Variants in NUDT4 observed in about 807,000 individuals in gnomAD.
The protein encoded by NUDT4 is nudix hydrolase 4, also known as diphosphoinositol polyphosphate phosphohydrolase 2.
Under a neutral mutation model 23.1 loss-of-function variants are expected in NUDT4, and 5 were observed. The observed-to-expected ratio is 0.22, with a 90% confidence interval of 0.11 to 0.46. NUDT4 has a LOEUF of 0.46. Among genes scored for constraint, NUDT4 ranks in the 20% least tolerant of loss-of-function variants. The pLI is 0.99. For missense variants in NUDT4, 96 were observed against 211.6 expected, an observed-to-expected ratio of 0.45 and a Z score of 3.39; for synonymous variants, 50 against 79.0, an observed-to-expected ratio of 0.63 and a Z score of 1.95.
At chr12:93,386,516 G>A (rs994859151) in intron 1 of NUDT4, among the ~76,000 whole-genome samples, 5 of 151,856 alleles carry the variant, frequency 3.3e-5, no homozygotes, top group African/African-American at 1.2e-4. Flanking sequence ...GGAGGCAAAG[G>A]TTGCAGTGAG....
At chr12:93,390,365 TAACTTAAA>T (rs1454310961) in intron 1 of NUDT4, among the ~76,000 whole-genome samples, 2 of 152,230 alleles carry the variant, frequency 1.3e-5, no homozygotes, top group African/African-American at 4.8e-5. Flanking sequence ...CATTTTTATT[TAACTTAAA>T]AACTAACATT....
Position 93,406,768 on chromosome 12 carries a change from C to T in NUDT4, c.*7389C>T, listed in dbSNP as rs1877843370. On this transcript the variant is annotated 3_prime_UTR_variant, in exon 5 of 5. Coordinates refer to ENST00000415493, the MANE Select transcript of NUDT4 (RefSeq NM_019094.6). ...TTGTGTAGATTGTATGCATATACAA[C>T]ATCATTTTATTCCAGAGACTTGAGC... 6.6e-6 allele frequency: 1 copy of T among 151,612 alleles called. No individual in the cohort carries two copies. Among genetic ancestry groups the T allele is most frequent in the Non-Finnish European group, 1.5e-5 (1 of 67,904 alleles). 9.4% of individuals were successfully genotyped at this position (151,612 alleles called of 1,614,324 possible).
At chr12:93,388,308 G>A (rs1876245573) in intron 1 of NUDT4, among the ~76,000 whole-genome samples, 1 of 152,212 alleles carries the variant, frequency 6.6e-6, no homozygotes, top group African/African-American at 2.4e-5. Context: ...ATAGATGTAT[G>A]TGTTCTTGCA....
At chr12:93,393,090 CTTTT>C (rs143810374) in intron 1 of NUDT4, among the ~76,000 whole-genome samples, 3 of 114,876 alleles carry the variant, frequency 2.6e-5, no homozygotes, top group African/African-American at 1.0e-4. Context: ...AGATTTCAGT[CTTTT>C]TTTTTTTTTT....
chr12:93,382,507 T>C (rs1875741334), intron 1 of NUDT4, among the ~76,000 whole-genome samples: 1 of 152,114 alleles, frequency 6.6e-6, no homozygotes. Flanking sequence ...ATTCAAAATA[T>C]TACTAGAGTT....
rs375056789 is a variant in NUDT4, at chr12:93,399,387, T to C, written c.*8T>C. On this transcript the variant is annotated 3_prime_UTR_variant, in exon 5 of 5. Transcript: ENST00000415493. The stretch of plus-strand genomic sequence containing the variant: ...CCATCTAGTGTAAGATAGAGAGAAC[T>C]GGGTAGGCCTCTCCCACCATGTGCA... 12 of 649,422 alleles carry C rather than the reference T, an allele frequency of 1.8e-5. No homozygotes were observed. The African/African-American group carries it at 2.2e-4, about 12-fold the overall frequency. 40.2% of individuals were successfully genotyped at this position (649,422 alleles called of 1,614,324 possible). A position where few individuals can be genotyped will look rare whatever the true frequency, so the allele number is the denominator to read the frequency against.
intron 1 of NUDT4, among the ~76,000 whole-genome samples, chr12:93,385,626 A>T (rs1003757405): frequency 6.6e-6 from 1 of 152,102 alleles, no homozygotes; most frequent in South Asian, 2.1e-4. Context: ...CTATACTAGT[A>T]GCTTTGGGGG....
At chr12:93,387,020 C>T (rs1876154069) in intron 1 of NUDT4, among the ~76,000 whole-genome samples, 1 of 152,126 alleles carries the variant, frequency 6.6e-6, no homozygotes, top group Admixed American at 6.5e-5. Context: ...TGCAAACCGC[C>T]TCCTGGATTC....
At chr12:93,389,280 C>T (rs771405197) in intron 1 of NUDT4, among the ~76,000 whole-genome samples, 31 of 152,054 alleles carry the variant, frequency 2.0e-4, no homozygotes, top group Non-Finnish European at 3.7e-4. Flanking sequence ...CAAGACCAGC[C>T]TGACCAGCAT....
intron 1 of NUDT4, among the ~76,000 whole-genome samples, chr12:93,379,275 T>C (rs1875456724): frequency 6.6e-6 from 1 of 152,216 alleles, no homozygotes; most frequent in African/African-American, 2.4e-5. Flanking sequence ...GATTTTTACT[T>C]AATTCAGTAG....
In NUDT4 at chr12:93,377,925, G is replaced by A. The variant is rs902019171; in HGVS notation, c.-398G>A. 1 of 310,506 alleles carries A rather than the reference G, an allele frequency of 3.2e-6. No homozygotes were observed. The highest frequency in any genetic ancestry group is 6.4e-6 in the Non-Finnish European group (1 of 156,376). The allele number at this position is 310,506 out of a possible 1,614,324, so 19.2% of individuals were successfully genotyped here. A position where few individuals can be genotyped will look rare whatever the true frequency, so the allele number is the denominator to read the frequency against. Reference sequence around the variant, plus strand: ...AAACAGAGCAGAGGGGGCGGCGCGCGGTCGCCGCGGTGCTGCTGCTCAGTG... The same window carrying A: ...AAACAGAGCAGAGGGGGCGGCGCGCAGTCGCCGCGGTGCTGCTGCTCAGTG... On this transcript the variant is annotated 5_prime_UTR_variant, in exon 1 of 5. Coordinates refer to ENST00000415493, the MANE Select transcript of NUDT4 (RefSeq NM_019094.6).
intron 2 of NUDT4, 109 bp downstream of exon 2, chr12:93,394,828 C>G (rs1876815446): frequency 1.6e-6 from 1 of 611,048 alleles, no homozygotes; most frequent in African/African-American, 1.9e-5. Flanking sequence ...TTGCCTGATG[C>G]AACTTTATTT....
chr12:93,393,309 G>T (rs1031596207), intron 1 of NUDT4, among the ~76,000 whole-genome samples: 3 of 151,544 alleles, frequency 2.0e-5, no homozygotes, highest in Non-Finnish European at 4.4e-5. Flanking sequence ...ACCATGTTTT[G>T]TCCAGGCTGG....
At position 93,404,371 on chromosome 12, in the gene NUDT4, G is replaced by GT. The variant is rs1423301220; in HGVS notation, c.*4993dup. The GT allele has an allele frequency of 3.9e-5, 6 of 152,214 alleles. No homozygotes were observed. Among genetic ancestry groups the GT allele is most frequent in the African/African-American group, 1.4e-4 (6 of 41,460 alleles). 9.4% of individuals were successfully genotyped at this position (152,214 alleles called of 1,614,324 possible). ...TACAGTCATTAGAAATGACATTTGC[G>GT]TAAGGATCTGAGTGGAAACTGATAC... On this transcript the variant is annotated 3_prime_UTR_variant, in exon 5 of 5. Coordinates refer to ENST00000415493, the MANE Select transcript of NUDT4 (RefSeq NM_019094.6).
At position 93,403,934 on chromosome 12, in the gene NUDT4, A is replaced by G. The variant is rs1877647370; in HGVS notation, c.*4555A>G. 6.6e-6 allele frequency: 1 copy of G among 152,240 alleles called. No individual in the cohort carries two copies. The highest frequency in any genetic ancestry group is 1.5e-5 in the Non-Finnish European group (1 of 68,034). The allele number at this position is 152,240 out of a possible 1,614,324, so 9.4% of individuals were successfully genotyped here. A position where few individuals can be genotyped will look rare whatever the true frequency, so the allele number is the denominator to read the frequency against. ...CTCAAAGGTTCAACGTCTTCTAGCC[A>G]GGGAACTATTCTCTAATTCTTCCAC... On this transcript the variant is annotated 3_prime_UTR_variant, in exon 5 of 5. Coordinates refer to ENST00000415493, the MANE Select transcript of NUDT4 (RefSeq NM_019094.6).
In NUDT4 at chr12:93,407,442, T is replaced by C. The variant is rs1337838622; in HGVS notation, c.*8063T>C. The C allele has an allele frequency of 2.0e-5, 3 of 152,246 alleles. No individual in the cohort carries two copies. Among genetic ancestry groups the C allele is most frequent in the Admixed American group, 6.5e-5 (1 of 15,288 alleles). The allele number at this position is 152,246 out of a possible 1,614,324, so 9.4% of individuals were successfully genotyped here. A position where few individuals can be genotyped will look rare whatever the true frequency, so the allele number is the denominator to read the frequency against. ...CTTTTGTTGAATAATGTGTTTCCTT[T>C]AGCCCAGGGATTACAAAGTCAAAGG... On this transcript the variant is annotated 3_prime_UTR_variant, in exon 5 of 5. Coordinates refer to ENST00000415493, the MANE Select transcript of NUDT4 (RefSeq NM_019094.6).
chr12:93,388,949 A>C (rs1295283284), intron 1 of NUDT4, among the ~76,000 whole-genome samples: 2 of 152,250 alleles, frequency 1.3e-5, no homozygotes, highest in Non-Finnish European at 2.9e-5. Flanking sequence ...AGCAGAGTTT[A>C]GGACAGACTG....
chr12:93,377,930 C>A lies in NUDT4; in HGVS notation c.-393C>A. The A allele has an allele frequency of 3.2e-6, 1 of 313,350 alleles. No individual in the cohort carries two copies. 19.4% of individuals were successfully genotyped at this position (313,350 alleles called of 1,614,324 possible). ...GAGCAGAGGGGGCGGCGCGCGGTCGCCGCGGTGCTGCTGCTCAGTGGGAGC... is the reference window on the plus strand; with the variant it reads ...GAGCAGAGGGGGCGGCGCGCGGTCGACGCGGTGCTGCTGCTCAGTGGGAGC... On this transcript the variant is annotated 5_prime_UTR_variant, in exon 1 of 5. Transcript: ENST00000415493.
At chr12:93,379,085 C>T (rs764917807) in intron 1 of NUDT4, among the ~76,000 whole-genome samples, 1 of 152,160 alleles carries the variant, frequency 6.6e-6, no homozygotes, top group Non-Finnish European at 1.5e-5. Context: ...TAGAGATGGG[C>T]AAAGCTGCCA....
Sources: gnomAD v4.1 joint callset for allele counts (sites outside exome capture counted in the v4.1 genomes callset) on GRCh38, gnomAD v4.1.1 for gene constraint, MANE v1.5 for transcripts, NCBI Gene and HGNC (gene_info 2026-07-23, HGNC 2026-07-21) for gene names.